Variants in CNTNAP5 observed in about 807,000 individuals in gnomAD.
CNTNAP5 encodes the protein contactin-associated protein-like 5.
CNTNAP5 carries 72 observed loss-of-function variants against 150.2 expected under a neutral mutation model. The ratio of observed to expected loss-of-function variants is 0.48; its 90% CI spans 0.40 to 0.58. The LOEUF is 0.58. Ranked by LOEUF, CNTNAP5 falls within the 20% of genes least tolerant of loss-of-function variation. CNTNAP5 has a pLI of 0.00. For missense variants in CNTNAP5, 1,636 were observed against 1,626.2 expected, an observed-to-expected ratio of 1.01 and a Z score of -0.10; for synonymous variants, 672 against 619.8, an observed-to-expected ratio of 1.08 and a Z score of -1.25.
intron 1 of CNTNAP5, among the ~76,000 whole-genome samples, chr2:124,068,431 A>G (rs1465895348): frequency 6.6e-6 from 1 of 152,104 alleles, no homozygotes; most frequent in Non-Finnish European, 1.5e-5. Context: ...GAGGAGAATT[A>G]CTCAGCCCTG....
At chr2:124,792,317 G>A (rs1007499238) in intron 18 of CNTNAP5, among the ~76,000 whole-genome samples, 1 of 152,194 alleles carries the variant, frequency 6.6e-6, no homozygotes, top group Admixed American at 6.5e-5. Flanking sequence ...AAATAGAGCA[G>A]GTATTAAAAT....
At chr2:124,114,851 T>G (rs925925060) in intron 1 of CNTNAP5, among the ~76,000 whole-genome samples, 15 of 151,636 alleles carry the variant, frequency 9.9e-5, no homozygotes, top group African/African-American at 3.6e-4. Context: ...TTTATAATAT[T>G]GAAGGTGGAT....
At chr2:124,763,585 A>T (rs1302403470) in intron 14 of CNTNAP5, 87 bp from the exon 15 acceptor site, 19 of 1,368,636 alleles carry the variant, frequency 1.4e-5, no homozygotes, top group Non-Finnish European at 1.8e-5. Flanking sequence ...AACTGGCCAA[A>T]TCACTTCTGA....
intron 19 of CNTNAP5, among the ~76,000 whole-genome samples, chr2:124,829,829 C>T (rs762002472): frequency 2.0e-5 from 3 of 151,798 alleles, no homozygotes; most frequent in Admixed American, 1.3e-4. Flanking sequence ...TCCCAGTTGA[C>T]AAGAACATCT....
At chr2:124,781,250 G>A (rs1193383949) in intron 17 of CNTNAP5, among the ~76,000 whole-genome samples, 1 of 152,166 alleles carries the variant, frequency 6.6e-6, no homozygotes, top group African/African-American at 2.4e-5. Context: ...CAGGCTCAGG[G>A]AAGAGGTGAG....
intron 1 of CNTNAP5, among the ~76,000 whole-genome samples, chr2:124,054,909 C>T (rs980823357): frequency 6.6e-6 from 1 of 152,156 alleles, no homozygotes; most frequent in Non-Finnish European, 1.5e-5. Flanking sequence ...CTACTGTACA[C>T]AGAGGAGCTC....
intron 4 of CNTNAP5, among the ~76,000 whole-genome samples, chr2:124,421,467 A>G (rs1440547908): frequency 1.3e-5 from 2 of 152,134 alleles, no homozygotes; most frequent in African/African-American, 4.8e-5. Flanking sequence ...TCTACAGCTC[A>G]CAGTAACTCT....
At chr2:124,677,281 C>G (rs1573541427) in intron 13 of CNTNAP5, among the ~76,000 whole-genome samples, 1 of 152,162 alleles carries the variant, frequency 6.6e-6, no homozygotes, top group Admixed American at 6.5e-5. Context: ...CATGGTCTTG[C>G]TGACTTCAGG....
intron 3 of CNTNAP5, among the ~76,000 whole-genome samples, chr2:124,391,800 C>CA (rs1464051656): frequency 6.6e-6 from 1 of 151,556 alleles, no homozygotes; most frequent in Admixed American, 6.6e-5. Context: ...CTAAAAAATA[C>CA]AAAAAATTAG....
At chr2:124,371,702 T>C (rs1413258135) in intron 3 of CNTNAP5, among the ~76,000 whole-genome samples, 2 of 151,774 alleles carry the variant, frequency 1.3e-5, no homozygotes, top group Admixed American at 6.6e-5. Flanking sequence ...TGGAGGGAGA[T>C]ATGGAAAGAT....
chr2:124,060,924 G>A (rs1681993325), intron 1 of CNTNAP5, among the ~76,000 whole-genome samples: 1 of 152,100 alleles, frequency 6.6e-6, no homozygotes, highest in Non-Finnish European at 1.5e-5. Flanking sequence ...AGATACAGTT[G>A]ACCCAACAGT....
intron 1 of CNTNAP5, among the ~76,000 whole-genome samples, chr2:124,182,042 G>A (rs1685221658): frequency 6.6e-6 from 1 of 152,118 alleles, no homozygotes. Context: ...ATAATATGTA[G>A]AGTTTTGTTT....
chr2:124,249,304 T>C (rs1020925604), intron 3 of CNTNAP5, among the ~76,000 whole-genome samples: 10 of 152,166 alleles, frequency 6.6e-5, no homozygotes, highest in Admixed American at 3.9e-4. Flanking sequence ...CCACATTCTA[T>C]AAAAAATCTC....
At chr2:124,510,654 G>A (rs990494597) in intron 8 of CNTNAP5, among the ~76,000 whole-genome samples, 6 of 151,912 alleles carry the variant, frequency 3.9e-5, no homozygotes, top group Non-Finnish European at 8.8e-5. Context: ...AGGCTGCCAA[G>A]TGACATGAGG....
intron 1 of CNTNAP5, among the ~76,000 whole-genome samples, chr2:124,155,075 GTTTTTT>G (rs36194209): frequency 2.5e-5 from 2 of 81,368 alleles, no homozygotes; most frequent in Non-Finnish European, 4.7e-5. Flanking sequence ...AACCATTCCC[GTTTTTT>G]TTTTTTTTTT....
chr2:124,740,347 G>A (rs531628991), intron 13 of CNTNAP5, among the ~76,000 whole-genome samples: 2 of 152,122 alleles, frequency 1.3e-5, no homozygotes, highest in African/African-American at 4.8e-5. Flanking sequence ...AAGTGGCATC[G>A]AGACTTAAAA....
At chr2:124,847,034 G>A (rs1443187239) in intron 19 of CNTNAP5, among the ~76,000 whole-genome samples, 1 of 152,202 alleles carries the variant, frequency 6.6e-6, no homozygotes, top group African/African-American at 2.4e-5. Context: ...TAGAGTGCTG[G>A]TTGCATGTTG....
At chr2:124,158,601 C>T (rs1342387487) in intron 1 of CNTNAP5, among the ~76,000 whole-genome samples, 3 of 152,132 alleles carry the variant, frequency 2.0e-5, no homozygotes, top group Non-Finnish European at 4.4e-5. Context: ...ATGTGGAGGG[C>T]TGACTCTATT....
chr2:124,606,592 A>G (rs1697110975), intron 11 of CNTNAP5, among the ~76,000 whole-genome samples: 1 of 152,216 alleles, frequency 6.6e-6, no homozygotes, highest in Admixed American at 6.5e-5. Context: ...AACATACCTG[A>G]GACTGCGCAA....
Sources: allele counts gnomAD v4.1 joint callset (sites outside exome capture counted in the v4.1 genomes callset), GRCh38; gene constraint gnomAD v4.1.1; transcripts MANE v1.5; gene names NCBI Gene and HGNC (gene_info 2026-07-23, HGNC 2026-07-21).